The following C2orf74 variants were observed in gnomAD, a reference collection of about 807,000 sequenced individuals.
C2orf74 encodes the protein uncharacterized protein C2orf74.
C2orf74 carries 14 observed loss-of-function variants against 17.9 expected under a neutral mutation model. The observed-to-expected ratio is 0.78, with a 90% CI of 0.52 to 1.22. The LOEUF (loss-of-function observed/expected upper bound fraction) is 1.22. C2orf74 is among the 50% of genes most tolerant of loss of function. The pLI is 0.00. For missense variants in C2orf74, 217 were observed against 218.4 expected (o/e 0.99, Z 0.04); for synonymous variants, 79 against 72.6 (o/e 1.09, Z -0.44).
chr2:61,148,544 G>T (rs1685135524), intron 1 of C2orf74, among the ~76,000 whole-genome samples: 1 of 152,130 alleles, frequency 6.6e-6, no homozygotes, highest in Non-Finnish European at 1.5e-5. Flanking sequence ...GGAAATAGAG[G>T]ATAGTTTTTT....
chr2:61,146,737 G>C (rs1463463567), intron 1 of C2orf74, among the ~76,000 whole-genome samples: 1 of 152,172 alleles, frequency 6.6e-6, no homozygotes, highest in Non-Finnish European at 1.5e-5. Flanking sequence ...AGGAGGCTGA[G>C]GCAGGAGAAT....
chr2:61,160,772 GAGCCACCATGCCC>G (rs1685541377), upstream of C2orf74, among the ~76,000 whole-genome samples: 1 of 152,198 alleles, frequency 6.6e-6, no homozygotes, highest in South Asian at 2.1e-4. Context: ...TTACAGGCGT[GAGCCACCATGCCC>G]AGCCACCACA....
At chr2:61,154,916 T>G (rs1685349078) in intron 1 of C2orf74, among the ~76,000 whole-genome samples, 1 of 151,456 alleles carries the variant, frequency 6.6e-6, no homozygotes, top group South Asian at 2.1e-4. Context: ...AATACAAAAA[T>G]TAGCTGGGTG....
At chr2:61,155,830 A>G (rs1173273699) in intron 1 of C2orf74, among the ~76,000 whole-genome samples, 1 of 90,574 alleles carries the variant, frequency 1.1e-5, no homozygotes, top group African/African-American at 5.2e-5. Context: ...CCAGAAATCA[A>G]GGTGTTTTTT....
Position 61,163,135 on chromosome 2 carries a change from C to CA in C2orf74, c.294dup (p.Pro99ThrfsTer18). On this transcript the variant is annotated frameshift_variant, in exon 4 of 5. Transcript: ENST00000432605. LOFTEE classifies it high-confidence loss of function. ...AGACAGAGTAAGGAAGTGTTGGCCA[C>CA]ACCCTTAGAAAACAGAAGGGACATG... 2 of 1,552,206 alleles carry CA rather than the reference C, an allele frequency of 1.3e-6. No individual in the cohort carries two copies. Among genetic ancestry groups the CA allele is most frequent in the South Asian group, 2.4e-5 (2 of 84,064 alleles).
intron 1 of C2orf74, among the ~76,000 whole-genome samples, chr2:61,152,904 C>G (rs1573709643): frequency 6.7e-6 from 1 of 150,052 alleles, no homozygotes; most frequent in Non-Finnish European, 1.5e-5. Context: ...GCCTGTAATC[C>G]CAGTACTTTG....
At chr2:61,158,741 C>T (rs1171045573), upstream of C2orf74, among the ~76,000 whole-genome samples, 3 of 152,104 alleles carry the variant, frequency 2.0e-5, no homozygotes, top group African/African-American at 4.8e-5. Flanking sequence ...AGTCTGGTGT[C>T]TCATTGTCTG....
upstream of C2orf74, chr2:61,157,813 T>G: frequency 2.2e-6 from 1 of 462,492 alleles, no homozygotes. Context: ...CGGAGTCCTT[T>G]GAGCGTGCTC....
chr2:61,146,822 A>G (rs1213890614), intron 1 of C2orf74, among the ~76,000 whole-genome samples: 3 of 149,248 alleles, frequency 2.0e-5, no homozygotes, highest in African/African-American at 5.0e-5. Context: ...CTGGCGACAG[A>G]GCAAGACTTC....
intron 1 of C2orf74, among the ~76,000 whole-genome samples, chr2:61,153,087 G>A (rs1685284951): frequency 6.6e-6 from 1 of 151,296 alleles, no homozygotes; most frequent in Admixed American, 6.6e-5. Flanking sequence ...GGGAGGCAGA[G>A]GTTGGGGTGA....
chr2:61,162,664 G>GACT, intron 2 of C2orf74, 55 bp downstream of exon 2: 1 of 1,152,974 alleles, frequency 8.7e-7, no homozygotes, highest in Non-Finnish European at 1.3e-6. Context: ...TAGCAAATGT[G>GACT]TATAGAAATA....
chr2:61,146,802 G>T (rs1452135006), intron 1 of C2orf74, among the ~76,000 whole-genome samples: 1 of 151,652 alleles, frequency 6.6e-6, no homozygotes, highest in Non-Finnish European at 1.5e-5. Flanking sequence ...TGGCGCCACT[G>T]CACTCCAGCC....
At chr2:61,159,622 A>T (rs965359061), upstream of C2orf74, among the ~76,000 whole-genome samples, 1 of 152,190 alleles carries the variant, frequency 6.6e-6, no homozygotes, top group African/African-American at 2.4e-5. Flanking sequence ...AAGGATTGAG[A>T]GGTGGGACAG....
chr2:61,162,794 A>G, intron 2 of C2orf74, 48 bp from the exon 3 acceptor site: 1 of 1,456,950 alleles, frequency 6.9e-7, no homozygotes, highest in East Asian at 2.5e-5. Flanking sequence ...ACACCTTAAA[A>G]TCAGGGCCAT....
At chr2:61,157,709 T>G (rs1685433011), upstream of C2orf74, among the ~76,000 whole-genome samples, 1 of 152,224 alleles carries the variant, frequency 6.6e-6, no homozygotes, top group Non-Finnish European at 1.5e-5. Flanking sequence ...CTGATTTAGA[T>G]CACATGTTGA....
chr2:61,145,132 T>TGA (rs1222703816), exon 1 of C2orf74: 1 of 152,334 alleles, frequency 6.6e-6, no homozygotes, highest in Admixed American at 6.5e-5. Context: ...GAGGACATGT[T>TGA]GACGTCGTCC....
intron 1 of C2orf74, among the ~76,000 whole-genome samples, chr2:61,147,171 AG>A (rs1159353411): frequency 6.6e-6 from 1 of 151,952 alleles, no homozygotes; most frequent in South Asian, 2.1e-4. Context: ...TCTCAAAAAA[AG>A]AGAAAGAAAG....
chr2:61,156,285 C>G (rs1685389111), intron 1 of C2orf74, among the ~76,000 whole-genome samples: 1 of 151,846 alleles, frequency 6.6e-6, no homozygotes, highest in East Asian at 1.9e-4. Flanking sequence ...TGCCTATAAT[C>G]CTGGCACTTT....
At chr2:61,149,574 CT>C (rs70959895) in intron 1 of C2orf74, among the ~76,000 whole-genome samples, 26,518 of 80,652 alleles carry the variant, frequency 0.33, 2,508 homozygotes, top group Middle Eastern at 0.47. Context: ...GGGCGCCTTT[CT>C]TTTTTTTTTT....
Sources: allele counts gnomAD v4.1 joint callset (sites outside exome capture counted in the v4.1 genomes callset), GRCh38; gene constraint gnomAD v4.1.1; transcripts MANE v1.5; gene names NCBI Gene and HGNC (gene_info 2026-07-23, HGNC 2026-07-21).